Variants in MAGI2 observed in about 807,000 individuals in gnomAD.
The protein encoded by MAGI2 is membrane-associated guanylate kinase, WW and PDZ domain-containing protein 2.
Under a neutral mutation model 133.3 loss-of-function variants are expected in MAGI2, and 35 were observed. The ratio of observed to expected loss-of-function variants is 0.26; its 90% confidence interval spans 0.20 to 0.35. The LOEUF (loss-of-function observed/expected upper bound fraction) is 0.35. Among genes scored for constraint, MAGI2 ranks in the 10% least tolerant of loss-of-function variants. The probability of loss-of-function intolerance (pLI) is 1.00; values close to 1 mark genes in which losing one functional copy is unlikely to be tolerated. For missense variants in MAGI2, 1,636 were observed against 1,863.4 expected (o/e 0.88, Z 2.25); for synonymous variants, 729 against 710.6 (o/e 1.03, Z -0.41).
intron 2 of MAGI2, among the ~76,000 whole-genome samples, chr7:78,817,803 G>T (rs1036070212): frequency 2.0e-5 from 3 of 151,748 alleles, no homozygotes; most frequent in African/African-American, 7.3e-5. Context: ...TCTGCCTCCT[G>T]GGTTCAAGCG....
At chr7:78,653,607 G>A (rs1161518043) in intron 2 of MAGI2, among the ~76,000 whole-genome samples, 1 of 152,044 alleles carries the variant, frequency 6.6e-6, no homozygotes, top group South Asian at 2.1e-4. Flanking sequence ...ACACAGGGAG[G>A]GGGACATCAC....
chr7:78,276,079 T>C (rs1252448786), intron 9 of MAGI2, among the ~76,000 whole-genome samples: 1 of 152,128 alleles, frequency 6.6e-6, no homozygotes. Context: ...TAATTACTGG[T>C]CTAGGGAAGC....
intron 2 of MAGI2, among the ~76,000 whole-genome samples, chr7:78,761,110 G>A (rs777827599): frequency 3.4e-4 from 52 of 152,216 alleles, no homozygotes; most frequent in Admixed American, 1.3e-3. Context: ...TATGGTTAAT[G>A]TGGGCCAGAG....
intron 21 of MAGI2, among the ~76,000 whole-genome samples, chr7:78,021,350 G>A (rs1808377672): frequency 6.6e-6 from 1 of 152,142 alleles, no homozygotes. Context: ...TTGAATTCTG[G>A]GTGCCAGGTG....
At chr7:79,038,030 G>A (rs1811281557) in intron 1 of MAGI2, among the ~76,000 whole-genome samples, 1 of 152,160 alleles carries the variant, frequency 6.6e-6, no homozygotes. Flanking sequence ...TTCATCAAGA[G>A]TCATGTAATG....
At chr7:78,086,979 C>A (rs774320098) in intron 20 of MAGI2, among the ~76,000 whole-genome samples, 12 of 152,048 alleles carry the variant, frequency 7.9e-5, no homozygotes, top group Non-Finnish European at 1.2e-4. Flanking sequence ...CTTTTTGGTG[C>A]CTTTCTCTGT....
intron 1 of MAGI2, among the ~76,000 whole-genome samples, chr7:79,380,388 T>C (rs1396136036): frequency 6.6e-6 from 1 of 151,822 alleles, no homozygotes; most frequent in Non-Finnish European, 1.5e-5. Flanking sequence ...CTGCATATTT[T>C]GTCCTTTACA....
At chr7:78,228,418 G>C (rs1160661690) in intron 10 of MAGI2, among the ~76,000 whole-genome samples, 1 of 152,178 alleles carries the variant, frequency 6.6e-6, no homozygotes, top group Admixed American at 6.5e-5. Flanking sequence ...ACCACATCTA[G>C]AATGGTTATG....
At chr7:78,672,832 C>T (rs1048552366) in intron 2 of MAGI2, among the ~76,000 whole-genome samples, 2 of 152,152 alleles carry the variant, frequency 1.3e-5, no homozygotes, top group East Asian at 3.9e-4. Context: ...TGTTTGCACA[C>T]ACTCCCTTAG....
intron 2 of MAGI2, among the ~76,000 whole-genome samples, chr7:78,950,881 T>C (rs1247433372): frequency 2.0e-5 from 3 of 151,994 alleles, no homozygotes; most frequent in Non-Finnish European, 4.4e-5. Context: ...GGATATAATG[T>C]GAGTGACCCT....
intron 10 of MAGI2, among the ~76,000 whole-genome samples, chr7:78,218,070 G>A (rs1168725384): frequency 1.3e-5 from 2 of 152,226 alleles, no homozygotes; most frequent in South Asian, 2.1e-4. Context: ...ATGGCACTGA[G>A]GGAGCCAGAT....
At chr7:78,652,817 C>G (rs1222032484) in intron 2 of MAGI2, among the ~76,000 whole-genome samples, 1 of 151,930 alleles carries the variant, frequency 6.6e-6, no homozygotes, top group Non-Finnish European at 1.5e-5. Flanking sequence ...TTCTGCACAG[C>G]AGAAGAAACT....
At chr7:78,485,591 C>T (rs1386807444) in intron 6 of MAGI2, 5 of 151,816 alleles carry the variant, frequency 3.3e-5, no homozygotes, top group Non-Finnish European at 5.9e-5. Context: ...GTTAGTATCC[C>T]CTCTCATCTC....
chr7:78,676,678 T>C (rs1310336344), intron 2 of MAGI2, among the ~76,000 whole-genome samples: 1 of 152,114 alleles, frequency 6.6e-6, no homozygotes, highest in African/African-American at 2.4e-5. Context: ...GTTTTCAGTT[T>C]ATTTTTATTA....
intron 6 of MAGI2, among the ~76,000 whole-genome samples, chr7:78,437,315 A>T (rs1800391407): frequency 6.6e-6 from 1 of 152,136 alleles, no homozygotes; most frequent in Non-Finnish European, 1.5e-5. Flanking sequence ...TGTTCTTTCT[A>T]CTTTCTACTA....
chr7:78,061,390 C>T (rs79325474), intron 21 of MAGI2, among the ~76,000 whole-genome samples: 6,524 of 147,288 alleles, frequency 0.044, 198 homozygotes, highest in East Asian at 0.076. Context: ...GAAGTATGCT[C>T]ACATCTGGGG....
intron 1 of MAGI2, among the ~76,000 whole-genome samples, chr7:79,382,006 G>A (rs760676257): frequency 2.6e-5 from 4 of 151,644 alleles, no homozygotes; most frequent in Non-Finnish European, 5.9e-5. Flanking sequence ...CAACATTGGT[G>A]CTGGTCCTGA....
At chr7:78,657,429 C>G (rs1248880533) in intron 2 of MAGI2, among the ~76,000 whole-genome samples, 1 of 152,126 alleles carries the variant, frequency 6.6e-6, no homozygotes, top group African/African-American at 2.4e-5. Context: ...CCAAGATGTC[C>G]TTTAGTAGGT....
At chr7:78,626,532 G>A (rs897909562) in intron 3 of MAGI2, among the ~76,000 whole-genome samples, 1 of 152,100 alleles carries the variant, frequency 6.6e-6, no homozygotes, top group African/African-American at 2.4e-5. Flanking sequence ...CATATTTCCT[G>A]CATTCAAGGT....
Sources: gnomAD v4.1 joint callset for allele counts (sites outside exome capture counted in the v4.1 genomes callset) on GRCh38, gnomAD v4.1.1 for gene constraint, MANE v1.5 for transcripts, NCBI Gene and HGNC (gene_info 2026-07-23, HGNC 2026-07-21) for gene names.